TTC32: variants seen among roughly 807,000 people sequenced by gnomAD.
TTC32 encodes tetratricopeptide repeat domain 32.
TTC32 carries 16 observed loss-of-function variants against 15.3 expected under a neutral mutation model. The observed-to-expected ratio is 1.05, with a 90% CI of 0.71 to 1.59. The LOEUF (loss-of-function observed/expected upper bound fraction) is 1.59, where lower values mean the gene tolerates loss of function less well. Ranked by LOEUF, TTC32 falls within the 40% of genes most tolerant of loss-of-function variation. The pLI is 0.00. For synonymous variants in TTC32, 89 were observed against 67.8 expected, an observed-to-expected ratio of 1.31 and a Z score of -1.53; for missense variants, 188 against 181.9, an observed-to-expected ratio of 1.03 and a Z score of -0.19.
intron 1 of TTC32, 184 bp from the exon 2 acceptor site, chr2:19,898,219 A>G: frequency 1.9e-6 from 1 of 524,942 alleles, no homozygotes; most frequent in Non-Finnish European, 3.3e-6. Flanking sequence ...TAACCCTGTT[A>G]TCTACTTTTG....
At chr2:19,898,169 GA>G in intron 1 of TTC32, 134 bp from the exon 2 acceptor site, 2 of 786,968 alleles carry the variant, frequency 2.5e-6, no homozygotes, top group East Asian at 2.8e-5. Flanking sequence ...CCAAGCTGAA[GA>G]AAAAACGTAC....
chr2:19,901,142 C>A (rs1406937853), intron 1 of TTC32: 15 of 464,636 alleles, frequency 3.2e-5, no homozygotes, highest in Non-Finnish European at 6.7e-5. Context: ...AATAGGTAAA[C>A]TGATAATGCT....
At chr2:19,897,794 T>G in intron 2 of TTC32, 75 bp downstream of exon 2, 2 of 1,235,262 alleles carry the variant, frequency 1.6e-6, no homozygotes. Context: ...ACCACGTTAG[T>G]TTTACAACAT....
At chr2:19,900,675 GACAGTA>G (rs1199027801) in intron 1 of TTC32, among the ~76,000 whole-genome samples, 1 of 152,212 alleles carries the variant, frequency 6.6e-6, no homozygotes, top group Non-Finnish European at 1.5e-5. Flanking sequence ...TGGGCAAGCA[GACAGTA>G]ACAGGTGAAG....
At chr2:19,900,140 AG>A (rs2103367600) in intron 1 of TTC32, among the ~76,000 whole-genome samples, 1 of 152,350 alleles carries the variant, frequency 6.6e-6, no homozygotes, top group Admixed American at 6.5e-5. Flanking sequence ...TTGTGTTCTT[AG>A]GCTGAGAGGT....
chr2:19,901,586 C>A (rs1347486476), intron 1 of TTC32, 120 bp downstream of exon 1: 53 of 1,358,924 alleles, frequency 3.9e-5, no homozygotes, highest in Non-Finnish European at 5.3e-5. Flanking sequence ...CCCGCTCAGT[C>A]CTAGTGCTGG....
chr2:19,900,882 C>A, intron 1 of TTC32: 1 of 322,510 alleles, frequency 3.1e-6, no homozygotes, highest in Non-Finnish European at 6.4e-6. Flanking sequence ...GAGATTCAGT[C>A]AGCAAGTCCA....
chr2:19,897,017 T>C lies in TTC32; in HGVS notation c.426A>G (p.Lys142=). Residue 142 remains lysine (K), a synonymous_variant, in exon 3 of 3, where the codon AAA becomes AAG. Coordinates refer to ENST00000333610, the MANE Select transcript of TTC32 (RefSeq NM_001008237.3). ...AATTTTTTGCAACATTTCTTCTTTG[T>C]TTTTCTTCTTTGTCTAGAATAGTCT... The part of the protein sequence containing the change: ...LKQTILDKEE[K]QRRNVAKNY 1 of 1,591,052 alleles carries C rather than the reference T, an allele frequency of 6.3e-7. No individual in the cohort carries two copies. The highest frequency in any genetic ancestry group is 8.5e-7 in the Non-Finnish European group (1 of 1,170,426).
chr2:19,900,598 C>T (rs1048193220), intron 1 of TTC32, among the ~76,000 whole-genome samples: 7 of 152,168 alleles, frequency 4.6e-5, no homozygotes, highest in African/African-American at 1.7e-4. Context: ...ATCAACAAGC[C>T]CAGTCGAGGC....
At chr2:19,901,132 A>T (rs778333481) in intron 1 of TTC32, 25 of 468,802 alleles carry the variant, frequency 5.3e-5, no homozygotes, top group African/African-American at 5.0e-4. Flanking sequence ...GGATGAATAC[A>T]ATAGGTAAAC....
intron 1 of TTC32, chr2:19,900,923 G>T: frequency 3.1e-6 from 1 of 326,402 alleles, no homozygotes; most frequent in Non-Finnish European, 6.4e-6. Context: ...CACAAGAATC[G>T]GTTTCCTCAA....
At chr2:19,898,867 G>A (rs1357228221) in intron 1 of TTC32, among the ~76,000 whole-genome samples, 2 of 152,208 alleles carry the variant, frequency 1.3e-5, no homozygotes, top group African/African-American at 2.4e-5. Context: ...TCTGCACAGA[G>A]AACATTAGTG....
chr2:19,901,535 C>T (rs1669603819), intron 1 of TTC32, 171 bp downstream of exon 1: 1 of 870,162 alleles, frequency 1.1e-6, no homozygotes, highest in Non-Finnish European at 1.7e-6. Context: ...CCGCCCTCGT[C>T]CTAGGCCTCG....
chr2:19,901,463 A>G, intron 1 of TTC32: 5 of 361,686 alleles, frequency 1.4e-5, no homozygotes, highest in Non-Finnish European at 1.7e-5. Context: ...GGTTCCCGGA[A>G]ATCTCTCCGC....
chr2:19,899,876 C>T (rs988156359), intron 1 of TTC32, among the ~76,000 whole-genome samples: 1 of 152,054 alleles, frequency 6.6e-6, no homozygotes, highest in Non-Finnish European at 1.5e-5. Flanking sequence ...TGACCCAATA[C>T]TTAGAAAATA....
rs1357851457 is a variant in TTC32 at position 19,896,635 on chromosome 2, T to C, written c.*352A>G. On this transcript the variant is annotated 3_prime_UTR_variant, in exon 3 of 3. Transcript: ENST00000333610. ...TGGCACAATATTAACAACTCATGAATTTAACTGAAGAGTTTATTATACTTT... is the reference window on the plus strand; with the variant it reads ...TGGCACAATATTAACAACTCATGAACTTAACTGAAGAGTTTATTATACTTT... 6.6e-6 allele frequency: 1 copy of C among 152,350 alleles called. No homozygotes were observed. Among genetic ancestry groups the C allele is most frequent in the Non-Finnish European group, 1.5e-5 (1 of 68,154 alleles). 9.4% of individuals were successfully genotyped at this position (152,350 alleles called of 1,614,324 possible).
At chr2:19,898,171 A>C (rs1572291255) in intron 1 of TTC32, 136 bp from the exon 2 acceptor site, 2 of 763,458 alleles carry the variant, frequency 2.6e-6, no homozygotes, top group East Asian at 2.8e-5. Context: ...AAGCTGAAGA[A>C]AAAACGTACA....
At chr2:19,897,189 T>C in intron 2 of TTC32, 63 bp from the exon 3 acceptor site, 1 of 1,514,608 alleles carries the variant, frequency 6.6e-7, no homozygotes, top group East Asian at 2.4e-5. Flanking sequence ...ATATTATTCA[T>C]GGAAAAGCTT....
intron 1 of TTC32, among the ~76,000 whole-genome samples, chr2:19,899,681 T>TAG (rs952600382): frequency 1.3e-5 from 2 of 148,424 alleles, no homozygotes; most frequent in African/African-American, 4.9e-5. Flanking sequence ...AAATATTTTT[T>TAG]ATATATATAT....
Sources: allele counts gnomAD v4.1 joint callset (sites outside exome capture counted in the v4.1 genomes callset), GRCh38; gene constraint gnomAD v4.1.1; transcripts MANE v1.5; gene names NCBI Gene and HGNC (gene_info 2026-07-23, HGNC 2026-07-21).